Variants in NXN observed in about 807,000 individuals in gnomAD.
NXN encodes nucleoredoxin.
NXN carries 16 observed loss-of-function variants against 48.6 expected under a neutral mutation model. The observed-to-expected ratio is 0.33, with a 90% CI of 0.22 to 0.50. The LOEUF is 0.50. NXN is among the 20% of genes least tolerant of loss of function. The pLI is 0.98. For synonymous variants in NXN, 281 were observed against 269.6 expected (o/e 1.04, Z -0.41); for missense variants, 492 against 605.5 (o/e 0.81, Z 1.97).
At chr17:835,144 TA>T (rs1223992987) in intron 1 of NXN, among the ~76,000 whole-genome samples, 4 of 151,038 alleles carry the variant, frequency 2.6e-5, no homozygotes, top group East Asian at 2.0e-4. Flanking sequence ...CTGTCTCTAC[TA>T]AAAATACAAA....
intron 1 of NXN, among the ~76,000 whole-genome samples, chr17:865,898 G>A (rs896039881): frequency 1.3e-5 from 2 of 151,892 alleles, no homozygotes; most frequent in Non-Finnish European, 2.9e-5. Flanking sequence ...CAGGAGAATC[G>A]CTTGAACCCG....
chr17:944,948 G>A (rs532878472), intron 1 of NXN, among the ~76,000 whole-genome samples: 6 of 152,040 alleles, frequency 3.9e-5, no homozygotes, highest in African/African-American at 1.4e-4. Flanking sequence ...AGAAAACTGG[G>A]TACATAATGG....
At chr17:829,534 A>G (rs888753665) in intron 1 of NXN, among the ~76,000 whole-genome samples, 2 of 150,284 alleles carry the variant, frequency 1.3e-5, no homozygotes, top group African/African-American at 4.9e-5. Context: ...TACATGTGCC[A>G]TGGTAGTTTG....
At chr17:824,944 C>T (rs948662038) in intron 2 of NXN, among the ~76,000 whole-genome samples, 6 of 152,142 alleles carry the variant, frequency 3.9e-5, no homozygotes, top group African/African-American at 7.2e-5. Flanking sequence ...GGGATCCACA[C>T]GGGGACCAGG....
intron 5 of NXN, among the ~76,000 whole-genome samples, chr17:816,247 G>A (rs1021287824): frequency 6.6e-6 from 1 of 152,122 alleles, no homozygotes. Flanking sequence ...TTCTGGGGAC[G>A]AAGACCTGAA....
At chr17:939,427 T>C (rs1056721979) in intron 1 of NXN, among the ~76,000 whole-genome samples, 1 of 148,056 alleles carries the variant, frequency 6.8e-6, no homozygotes, top group Non-Finnish European at 1.5e-5. Flanking sequence ...CTCACTGCAA[T>C]CTCTGCCTCG....
At chr17:898,165 C>T (rs1281709021) in intron 1 of NXN, among the ~76,000 whole-genome samples, 1 of 152,124 alleles carries the variant, frequency 6.6e-6, no homozygotes, top group Non-Finnish European at 1.5e-5. Context: ...CAGCACTTGG[C>T]GGCTGGATGG....
intron 1 of NXN, chr17:908,050 T>G (rs371644248): frequency 1.3e-5 from 2 of 152,234 alleles, no homozygotes; most frequent in African/African-American, 4.8e-5. Context: ...CATTCCTGCT[T>G]TAGGACCTAA....
intron 5 of NXN, among the ~76,000 whole-genome samples, chr17:807,186 C>T (rs1911603265): frequency 6.6e-6 from 1 of 152,208 alleles, no homozygotes; most frequent in South Asian, 2.1e-4. Context: ...CAGGGACCAC[C>T]ACAGGGACAG....
chr17:812,053 G>C (rs899041851), intron 5 of NXN, among the ~76,000 whole-genome samples: 1 of 148,938 alleles, frequency 6.7e-6, no homozygotes, highest in Non-Finnish European at 1.5e-5. Context: ...TCAGCCTCCC[G>C]AGTAGCTGGG....
In NXN at chr17:825,711, C is replaced by A. The variant is rs143727327; in HGVS notation, c.478+250G>T. Reference sequence around the variant, plus strand: ...GCGGCCCTCCAAGCGGAGCTTCTTACGGCAGAGTCCATCTCTTTTGGCCCA... The same window carrying A: ...GCGGCCCTCCAAGCGGAGCTTCTTAAGGCAGAGTCCATCTCTTTTGGCCCA... On this transcript the variant is annotated intron_variant, in intron 2 of 7. Coordinates refer to ENST00000336868, the MANE Select transcript of NXN (RefSeq NM_022463.5). The surrounding 1 kb of genome is among the most constrained non-coding windows in gnomAD (Gnocchi z 4.1). 4.9e-6 allele frequency: 2 copies of A among 412,364 alleles called. No homozygotes were observed. The highest frequency in any genetic ancestry group is 2.1e-5 in the African/African-American group (1 of 48,000). 25.5% of individuals were successfully genotyped at this position (412,364 alleles called of 1,614,324 possible).
At position 818,575 on chromosome 17, in the gene NXN, G is replaced by A. The variant is rs541408016; in HGVS notation, c.820+864C>T. Among the ~76,000 whole-genome samples, 42 of 152,096 alleles carry A rather than the reference G, an allele frequency of 2.8e-4. No homozygotes were observed. The South Asian group carries it at 4.1e-3, about 15-fold the overall frequency. On this transcript the variant is annotated intron_variant, in intron 5 of 7. Coordinates refer to ENST00000336868, the MANE Select transcript of NXN (RefSeq NM_022463.5). ...CAAGTCATTTGGGAGGCTGTGCTCC[G>A]TGTCCCAATCATATTAGAATCCACC...
intron 1 of NXN, among the ~76,000 whole-genome samples, chr17:957,504 C>CGGGT (rs1567518976): frequency 1.4e-3 from 217 of 152,068 alleles, no homozygotes; most frequent in African/African-American, 5.1e-3. Context: ...TGGTGGTGCA[C>CGGGT]GCCTGTAGTC....
At chr17:934,201 T>C (rs1346035135) in intron 1 of NXN, among the ~76,000 whole-genome samples, 1 of 151,686 alleles carries the variant, frequency 6.6e-6, no homozygotes, top group East Asian at 1.9e-4. Context: ...ATCCCAGCAC[T>C]TTGGGAGGCT....
chr17:946,413 C>T (rs933290824), intron 1 of NXN, among the ~76,000 whole-genome samples: 2 of 152,256 alleles, frequency 1.3e-5, no homozygotes, highest in Non-Finnish European at 2.9e-5. Flanking sequence ...GTGATCCGCC[C>T]GCCTAGGCCT....
chr17:836,579 G>A (rs939876927), intron 1 of NXN, among the ~76,000 whole-genome samples: 1 of 152,144 alleles, frequency 6.6e-6, no homozygotes, highest in African/African-American at 2.4e-5. Flanking sequence ...GAACACTGAG[G>A]TTACTCAGCA....
rs1179110202 is a variant in NXN at position 849,343 on chromosome 17, G to A, written c.361-23265C>T. Reference sequence around the variant, plus strand: ...AGGTCAGGAGTTAGAGACCACCCTGGCAAACAGGGTGAAATCTCATCTCTA... The same window carrying A: ...AGGTCAGGAGTTAGAGACCACCCTGACAAACAGGGTGAAATCTCATCTCTA... On this transcript the variant is annotated intron_variant, in intron 1 of 7. Coordinates refer to ENST00000336868, the MANE Select transcript of NXN (RefSeq NM_022463.5). The surrounding 1 kb of genome is among the most constrained non-coding windows in gnomAD (Gnocchi z 4.2). 2.0e-5 allele frequency among the ~76,000 whole-genome samples: 3 copies of A among 152,190 alleles called. No homozygotes were observed. Among genetic ancestry groups the A allele is most frequent in the Non-Finnish European group, 4.4e-5 (3 of 68,028 alleles).
At position 834,842 on chromosome 17, in the gene NXN, G is replaced by A. The variant is rs147893718; in HGVS notation, c.361-8764C>T. Among the ~76,000 whole-genome samples the A allele has an allele frequency of 4.9e-3, 748 of 151,290 alleles. 7 individuals carry two copies. The highest frequency in any genetic ancestry group is 0.017 in the African/African-American group (698 of 41,256). ...GGCTAATTTTTGTACTTTTAGTAGA[G>A]ACAGGGTTTCACCATGTTGGCTGGG... On this transcript the variant is annotated intron_variant, in intron 1 of 7. Transcript: ENST00000336868.
intron 1 of NXN, among the ~76,000 whole-genome samples, chr17:950,476 C>T (rs2069096573): frequency 6.6e-6 from 1 of 151,274 alleles, no homozygotes; most frequent in African/African-American, 2.4e-5. Flanking sequence ...ACGGCCGGGC[C>T]AGCACAGTCA....
Sources: allele counts gnomAD v4.1 joint callset (sites outside exome capture counted in the v4.1 genomes callset), GRCh38; gene constraint gnomAD v4.1.1; non-coding constraint Gnocchi (gnomAD v3.1); transcripts MANE v1.5; gene names NCBI Gene and HGNC (gene_info 2026-07-23, HGNC 2026-07-21).